IBTK: variants seen among roughly 807,000 people sequenced by gnomAD.
The protein encoded by IBTK is inhibitor of Bruton tyrosine kinase.
A neutral mutation model predicts 154.9 loss-of-function variants in IBTK; 83 were observed. The ratio of observed to expected loss-of-function variants is 0.54; its 90% CI spans 0.45 to 0.64. IBTK has a LOEUF of 0.64. Ranked by LOEUF, IBTK falls within the 30% of genes least tolerant of loss-of-function variation. IBTK has a pLI of 0.00. For missense variants in IBTK, 1,332 were observed against 1,584.6 expected (o/e 0.84, Z 2.71); for synonymous variants, 515 against 536.1 (o/e 0.96, Z 0.54).
rs1477524701 is a variant in IBTK at position 82,216,254 on chromosome 6, T to C, written c.1427-4A>G. On this transcript the variant is annotated splice_polypyrimidine_tract_variant and splice_region_variant and intron_variant, in intron 10 of 28. Coordinates refer to ENST00000306270, the MANE Select transcript of IBTK (RefSeq NM_015525.4). ...TTGTGAAGGTTTGATAAAATCTCTG[T>C]TAAAAAAAAATAAACTACCATTAAT... is the stretch of plus-strand genomic sequence containing the variant. The C allele has an allele frequency of 6.4e-7, 1 of 1,557,298 alleles. No individual in the cohort carries two copies. Among genetic ancestry groups the C allele is most frequent in the Non-Finnish European group, 8.7e-7 (1 of 1,150,914 alleles).
At chr6:82,213,681 C>T (rs969052201) in intron 12 of IBTK, among the ~76,000 whole-genome samples, 2 of 152,180 alleles carry the variant, frequency 1.3e-5, no homozygotes, top group Non-Finnish European at 2.9e-5. Context: ...CAGCATACCA[C>T]ATTGCCTGCC....
chr6:82,226,081 G>A (rs1271347361), intron 5 of IBTK, among the ~76,000 whole-genome samples: 1 of 152,008 alleles, frequency 6.6e-6, no homozygotes, highest in Non-Finnish European at 1.5e-5. Flanking sequence ...TCTTACTTCT[G>A]TCACTACCTA....
At chr6:82,238,671 T>A (rs1229419847) in intron 2 of IBTK, among the ~76,000 whole-genome samples, 1 of 151,840 alleles carries the variant, frequency 6.6e-6, no homozygotes, top group Non-Finnish European at 1.5e-5. Context: ...GAACTCCTGA[T>A]CTCAGGTGAT....
intron 2 of IBTK, among the ~76,000 whole-genome samples, chr6:82,234,636 G>T (rs1006709478): frequency 6.6e-6 from 1 of 151,562 alleles, no homozygotes; most frequent in South Asian, 2.1e-4. Context: ...ACACCTGGCC[G>T]ACTTCCTATT....
Position 82,202,623 on chromosome 6 carries a change from C to T in IBTK, c.2634G>A (p.Met878Ile). The T allele has an allele frequency of 6.3e-7, 1 of 1,596,896 alleles. No individual in the cohort carries two copies. Among genetic ancestry groups the T allele is most frequent in the Non-Finnish European group, 8.5e-7 (1 of 1,172,076 alleles). The change falls in exon 18 of 29, where the codon ATG becomes ATA. Residue 878 changes from methionine to isoleucine, a missense_variant. Physicochemically the swap from Met to Ile is conservative, Grantham distance 10. This residue lies in a region of IBTK where 1,134 missense variants were observed against 1,274.7 expected (regional missense o/e 0.89). Coordinates refer to ENST00000306270, the MANE Select transcript of IBTK (RefSeq NM_015525.4). ...TEKLTLKNAA[M>I]LLEFAAMYSA... Reference sequence around the variant, plus strand: ...TATACATTGCTGCAAATTCCAGTAGCATAGCAGCATTCTTCAGGGTAACTA... The same window carrying T: ...TATACATTGCTGCAAATTCCAGTAGTATAGCAGCATTCTTCAGGGTAACTA...
Position 82,171,470 on chromosome 6 carries a change from C to T in IBTK, c.4017G>A (p.Pro1339=), listed in dbSNP as rs565792598. The T allele has an allele frequency of 4.2e-4, 673 of 1,613,084 alleles. 12 individuals are homozygous for T. In the South Asian group the frequency reaches 6.8e-3, roughly 16 times the overall value. Residue 1339 remains proline, a synonymous_variant, in exon 29 of 29, where the codon CCG becomes CCA. Transcript: ENST00000306270. ...ACATAGGTACTGCCAGTGGTCCCTG[C>T]GGTGTCCTTTCAACAATGACAAACT... ...PEEFVIVERT[P]QGPLAVPMWN... is the part of the protein sequence containing the mutation.
chr6:82,170,307 C>A lies in IBTK; in HGVS notation c.*1118G>T, dbSNP rs1252610333. 6.6e-6 allele frequency: 1 copy of A among 152,560 alleles called. No individual in the cohort carries two copies. Among genetic ancestry groups the A allele is most frequent in the Non-Finnish European group, 1.5e-5 (1 of 68,034 alleles). The allele number at this position is 152,560 out of a possible 1,614,324, so 9.5% of individuals were successfully genotyped here. A position where few individuals can be genotyped will look rare whatever the true frequency, so the allele number is the denominator to read the frequency against. ...TCTGCTGCTTTTGGGCAGAGTTAAA[C>A]CTGACATATTGAGTCAGTTTCCGTC... On this transcript the variant is annotated 3_prime_UTR_variant, in exon 29 of 29. Coordinates refer to ENST00000306270, the MANE Select transcript of IBTK (RefSeq NM_015525.4).
intron 26 of IBTK, among the ~76,000 whole-genome samples, chr6:82,179,554 G>T (rs1195477000): frequency 6.6e-6 from 1 of 152,196 alleles, no homozygotes; most frequent in Non-Finnish European, 1.5e-5. Flanking sequence ...AGTGAAATAA[G>T]ACGACGACCA....
At chr6:82,187,268 A>G (rs1247793755) in intron 25 of IBTK, among the ~76,000 whole-genome samples, 11 of 152,126 alleles carry the variant, frequency 7.2e-5, no homozygotes, top group Admixed American at 6.6e-5. Flanking sequence ...TTTGGTCAAA[A>G]TTTATGGCAT....
intron 1 of IBTK, among the ~76,000 whole-genome samples, chr6:82,244,026 T>G (rs1771052746): frequency 6.6e-6 from 1 of 152,134 alleles, no homozygotes; most frequent in Admixed American, 6.5e-5. Context: ...CATACATAGA[T>G]TCAAATATAG....
chr6:82,240,391 C>A lies in IBTK; in HGVS notation c.96G>T (p.Gln32His). 6.2e-7 allele frequency: 1 copy of A among 1,614,200 alleles called. No homozygotes were observed. The highest frequency in any genetic ancestry group is 8.5e-7 in the Non-Finnish European group (1 of 1,180,040). Residue 32 changes from glutamine (Q) to histidine (H), a missense_variant, in exon 2 of 29, where the codon CAG becomes CAT. Physicochemically the swap from Gln to His is conservative, Grantham distance 24 (BLOSUM62 0). Coordinates refer to ENST00000306270, the MANE Select transcript of IBTK (RefSeq NM_015525.4). Reference sequence around the variant, plus strand: ...AATGACTGGAGAGAAAGGCCTTAATCTGGTTTTCGCTCCCCTTTGTTACCA... The same window carrying A: ...AATGACTGGAGAGAAAGGCCTTAATATGGTTTTCGCTCCCCTTTGTTACCA... ...LSVVTKGSEN[Q>H]IKAFLSSHCY...
Position 82,200,621 on chromosome 6 carries a change from A to G in IBTK, c.2878T>C (p.Leu960=), listed in dbSNP as rs778219136. 3.1e-6 allele frequency: 5 copies of G among 1,587,694 alleles called. No homozygotes were observed. The Admixed American group carries it at 5.7e-5, about 18-fold the overall frequency. ...YLEVEDGDIF[L]KEEINMEQNH... Reference sequence around the variant, plus strand: ...TGTTCCATATTTATTTCTTCTTTCAAGAAGATATCTCCATCTTCTACTTCC... The same window carrying G: ...TGTTCCATATTTATTTCTTCTTTCAGGAAGATATCTCCATCTTCTACTTCC... The change falls in exon 20 of 29, where the codon TTG becomes CTG. Residue 960 remains leucine, a synonymous_variant. Coordinates refer to ENST00000306270, the MANE Select transcript of IBTK (RefSeq NM_015525.4).
chr6:82,214,409 A>G lies in IBTK; in HGVS notation c.2022T>C (p.His674=). 6.2e-7 allele frequency: 1 copy of G among 1,613,952 alleles called. No individual in the cohort carries two copies. Among genetic ancestry groups the G allele is most frequent in the South Asian group, 1.1e-5 (1 of 91,068 alleles). Residue 674 remains histidine (H), a synonymous_variant, in exon 12 of 29, where the codon CAT becomes CAC. Transcript: ENST00000306270. ...LNSHLNKVNF[H]EDDNQKSAFE... is the part of the protein sequence containing the mutation. ...ATGCAGACTTCTGGTTATCATCTTC[A>G]TGGAAATTCACTTTATTCAAATGAG...
chr6:82,197,454 T>A (rs886840608), intron 21 of IBTK, among the ~76,000 whole-genome samples: 3 of 147,660 alleles, frequency 2.0e-5, no homozygotes, highest in African/African-American at 7.5e-5. Flanking sequence ...CACTGCAACC[T>A]CCACCTCCAG....
At chr6:82,227,788 G>A (rs997198429) in intron 4 of IBTK, among the ~76,000 whole-genome samples, 2 of 151,892 alleles carry the variant, frequency 1.3e-5, no homozygotes, top group Non-Finnish European at 2.9e-5. Context: ...GGGGCAGTAT[G>A]TCCTTTTCTT....
At chr6:82,172,563 G>A in intron 27 of IBTK, 51 bp from the exon 28 acceptor site, 1 of 1,547,610 alleles carries the variant, frequency 6.5e-7, no homozygotes, top group Non-Finnish European at 8.8e-7. Context: ...ATTTTTGCAT[G>A]CAAAATTTTC....
chr6:82,190,534 A>G (rs901153372), intron 25 of IBTK, among the ~76,000 whole-genome samples: 1 of 152,196 alleles, frequency 6.6e-6, no homozygotes, highest in Non-Finnish European at 1.5e-5. Flanking sequence ...CAATGCTGCC[A>G]CTATGTGTAA....
In IBTK at chr6:82,200,723, A is replaced by C. The variant is rs541607231; in HGVS notation, c.2791-15T>G. On this transcript the variant is annotated splice_polypyrimidine_tract_variant and intron_variant, in intron 19 of 28. Transcript: ENST00000306270. ...ATTGCTGGAATCTGCAGAATTGAAG[A>C]TATCACTTTTCAAATACAAAATCTG... 171 of 1,433,346 alleles carry C rather than the reference A, an allele frequency of 1.2e-4. No homozygotes were observed. The highest frequency in any genetic ancestry group is 1.5e-4 in the Non-Finnish European group (160 of 1,064,650). The allele number at this position is 1,433,346 out of a possible 1,614,324, so 88.8% of individuals were successfully genotyped here. A position where few individuals can be genotyped will look rare whatever the true frequency, so the allele number is the denominator to read the frequency against.
chr6:82,221,603 TTTAAA>T (rs1369678447), intron 8 of IBTK, among the ~76,000 whole-genome samples: 7 of 152,128 alleles, frequency 4.6e-5, no homozygotes, highest in Non-Finnish European at 8.8e-5. Flanking sequence ...TGTCCTCCCT[TTTAAA>T]TTAAAGGAAA....
Sources: allele counts gnomAD v4.1 joint callset (sites outside exome capture counted in the v4.1 genomes callset), GRCh38; gene constraint gnomAD v4.1.1; regional missense constraint gnomAD v4.1.1; transcripts MANE v1.5; gene names NCBI Gene and HGNC (gene_info 2026-07-23, HGNC 2026-07-21).